ADK: variants seen among roughly 807,000 people sequenced by gnomAD.
ADK encodes N6,N6-dimethyladenosine kinase.
ADK carries 24 observed loss-of-function variants against 44.7 expected under a neutral mutation model. The ratio of observed to expected loss-of-function variants is 0.54; its 90% CI spans 0.39 to 0.76. The LOEUF is 0.76. Ranked by LOEUF, ADK falls within the 30% of genes least tolerant of loss-of-function variation. The pLI is 0.00. For synonymous variants in ADK, 128 were observed against 142.6 expected, an observed-to-expected ratio of 0.90 and a Z score of 0.73; for missense variants, 321 against 425.1, an observed-to-expected ratio of 0.76 and a Z score of 2.15.
At chr10:74,217,572 G>C (rs1196167883) in intron 2 of ADK, among the ~76,000 whole-genome samples, 1 of 152,230 alleles carries the variant, frequency 6.6e-6, no homozygotes, top group Non-Finnish European at 1.5e-5. Context: ...GCCTCCTCAA[G>C]TGGGTCCCTG....
chr10:74,302,137 T>TG (rs1564642405), intron 3 of ADK, among the ~76,000 whole-genome samples: 6 of 103,804 alleles, frequency 5.8e-5, no homozygotes, highest in African/African-American at 1.5e-4. Flanking sequence ...TTTTTTTTTT[T>TG]TTTTTTTTTG....
At chr10:74,485,037 A>T (rs530980119) in intron 6 of ADK, among the ~76,000 whole-genome samples, 49 of 152,292 alleles carry the variant, frequency 3.2e-4, no homozygotes, top group African/African-American at 9.9e-4. Context: ...AATAAGTTGT[A>T]CCACATTAAA....
At chr10:74,179,798 A>G (rs1842469865) in intron 1 of ADK, among the ~76,000 whole-genome samples, 1 of 152,172 alleles carries the variant, frequency 6.6e-6, no homozygotes, top group Admixed American at 6.5e-5. Context: ...TGGAATCGTC[A>G]TCCTTTTGTT....
At chr10:74,307,581 C>T (rs1190757891) in intron 3 of ADK, among the ~76,000 whole-genome samples, 1 of 152,130 alleles carries the variant, frequency 6.6e-6, no homozygotes, top group South Asian at 2.1e-4. Flanking sequence ...GTATATGCTA[C>T]CCAGAATCGG....
chr10:74,275,314 G>T (rs1846632398), intron 3 of ADK, among the ~76,000 whole-genome samples: 1 of 152,198 alleles, frequency 6.6e-6, no homozygotes. Flanking sequence ...GCGCTGGGGT[G>T]GGGGACACGA....
intron 10 of ADK, among the ~76,000 whole-genome samples, chr10:74,680,919 A>C (rs927686314): frequency 2.0e-5 from 3 of 152,236 alleles, no homozygotes; most frequent in Admixed American, 2.0e-4. Flanking sequence ...CTAGCCCACA[A>C]AGTAAATGGC....
intron 3 of ADK, among the ~76,000 whole-genome samples, chr10:74,277,057 A>T (rs1312262283): frequency 6.6e-6 from 1 of 151,966 alleles, no homozygotes; most frequent in South Asian, 2.1e-4. Context: ...AGCTGGGATT[A>T]CAGGCGCCTG....
In ADK at chr10:74,479,940, A is replaced by G. The variant is rs556290425; in HGVS notation, c.556-45316A>G. 6.6e-4 allele frequency among the ~76,000 whole-genome samples: 100 copies of G among 152,144 alleles called. 2 individuals carry two copies. The highest frequency in any genetic ancestry group is 6.5e-3 in the Admixed American group (100 of 15,282). ...TTTAATTTATAATTATAATTATCTT[A>G]TTAAATGTAATGAGGTTTACCAACA... On this transcript the variant is annotated intron_variant, in intron 6 of 10. Transcript: ENST00000539909.
intron 3 of ADK, among the ~76,000 whole-genome samples, chr10:74,238,009 G>A (rs1267485148): frequency 6.6e-6 from 1 of 152,068 alleles, no homozygotes; most frequent in Non-Finnish European, 1.5e-5. Flanking sequence ...TAGGAGAATC[G>A]CTTGAACCCA....
At chr10:74,600,546 C>CA (rs200627441) in intron 9 of ADK, 53 bp downstream of exon 9, 28,984 of 1,156,822 alleles carry the variant, frequency 0.025, 396 homozygotes, top group Middle Eastern at 0.034. Context: ...TAATCAATTA[C>CA]AAAAAAAAAT....
At chr10:74,601,887 G>A (rs1486126609) in intron 9 of ADK, among the ~76,000 whole-genome samples, 1 of 147,588 alleles carries the variant, frequency 6.8e-6, no homozygotes, top group Non-Finnish European at 1.5e-5. Flanking sequence ...GATCCCAGGA[G>A]TTGGAGACCA....
At chr10:74,453,179 G>T (rs1845832613) in intron 6 of ADK, among the ~76,000 whole-genome samples, 1 of 151,958 alleles carries the variant, frequency 6.6e-6, no homozygotes, top group African/African-American at 2.4e-5. Flanking sequence ...TATACCTGAT[G>T]CCATCCAGAT....
chr10:74,312,122 C>A (rs546158955), intron 3 of ADK, among the ~76,000 whole-genome samples: 1 of 152,022 alleles, frequency 6.6e-6, no homozygotes, highest in Admixed American at 6.6e-5. Context: ...GCCGAGATCG[C>A]GCCAGTGCAC....
intron 10 of ADK, among the ~76,000 whole-genome samples, chr10:74,683,884 G>A (rs1009837657): frequency 1.3e-5 from 2 of 152,244 alleles, no homozygotes; most frequent in Non-Finnish European, 2.9e-5. Flanking sequence ...CAACCTTATC[G>A]ATGGGCCTCT....
chr10:74,246,253 T>C (rs997599690), intron 3 of ADK, among the ~76,000 whole-genome samples: 5 of 152,220 alleles, frequency 3.3e-5, no homozygotes, highest in African/African-American at 1.2e-4. Flanking sequence ...TTTCTAGAGG[T>C]TGCATACCAT....
At chr10:74,532,919 C>CA (rs35774493) in intron 7 of ADK, among the ~76,000 whole-genome samples, 52,194 of 75,636 alleles carry the variant, frequency 0.69, 18,899 homozygotes, top group Non-Finnish European at 0.78. Context: ...GACTCTGTCT[C>CA]AAAAAAAAAA....
chr10:74,708,550 C>T lies in ADK; in HGVS notation c.*105C>T, dbSNP rs1856686879. ...GAAAATTATCTGCCATTTTTTCCTA[C>T]TATAATAATGCTGAATCTTAATTTA... On this transcript the variant is annotated 3_prime_UTR_variant, in exon 11 of 11. Transcript: ENST00000539909. The T allele has an allele frequency of 4.6e-6, 6 of 1,304,154 alleles. No homozygotes were observed. The Admixed American group carries it at 1.0e-4, about 22-fold the overall frequency. The allele number at this position is 1,304,154 out of a possible 1,614,324, so 80.8% of individuals were successfully genotyped here.
At chr10:74,191,348 C>G (rs900513226) in intron 1 of ADK, among the ~76,000 whole-genome samples, 1 of 151,822 alleles carries the variant, frequency 6.6e-6, no homozygotes, top group Admixed American at 6.6e-5. Context: ...GAGGTCCTTA[C>G]TCTGCCATTC....
At chr10:74,237,533 A>G (rs1484784840) in intron 3 of ADK, among the ~76,000 whole-genome samples, 1 of 152,092 alleles carries the variant, frequency 6.6e-6, no homozygotes, top group East Asian at 1.9e-4. Context: ...CCCATGAATC[A>G]CGAATGTTCT....
Sources: gnomAD v4.1 joint callset for allele counts (sites outside exome capture counted in the v4.1 genomes callset) on GRCh38, gnomAD v4.1.1 for gene constraint, MANE v1.5 for transcripts, NCBI Gene and HGNC (gene_info 2026-07-23, HGNC 2026-07-21) for gene names.